TTLL11: variants seen among roughly 807,000 people sequenced by gnomAD.
TTLL11 encodes tubulin polyglutamylase TTLL11.
Under a neutral mutation model 51.7 loss-of-function variants are expected in TTLL11, and 42 were observed. That is an observed-to-expected ratio of 0.81 (90% confidence interval 0.64 to 1.05). The LOEUF (loss-of-function observed/expected upper bound fraction) is 1.05, where lower values mean the gene tolerates loss of function less well. Ranked by LOEUF, TTLL11 falls within the 50% of genes least tolerant of loss-of-function variation. The pLI is 0.00. For missense variants in TTLL11, 799 were observed against 940.4 expected, an observed-to-expected ratio of 0.85 and a Z score of 1.97; for synonymous variants, 381 against 383.5, an observed-to-expected ratio of 0.99 and a Z score of 0.08.
intron 6 of TTLL11, among the ~76,000 whole-genome samples, chr9:121,901,402 C>T (rs573657387): frequency 1.2e-4 from 19 of 152,034 alleles, no homozygotes; most frequent in African/African-American, 4.1e-4. Flanking sequence ...TCTTAGTGTT[C>T]CAGGCTTAAA....
chr9:121,989,741 G>A lies in TTLL11; in HGVS notation c.723C>T (p.Ser241=), dbSNP rs770027194. 1 of 1,607,864 alleles carries A rather than the reference G, an allele frequency of 6.2e-7. No individual in the cohort carries two copies. The highest frequency in any genetic ancestry group is 8.5e-7 in the Non-Finnish European group (1 of 1,175,518). ...QVQMVKDDDP[S]WKPTFIVKPD... The stretch of plus-strand genomic sequence containing the variant: ...GTTTCACGATAAAAGTGGGCTTCCA[G>A]GAGGGGTCATCGTCTTTCACCATTT... Residue 241 remains serine, a synonymous_variant, in exon 4 of 9, where the codon TCC becomes TCT. Transcript: ENST00000321582. The surrounding 1 kb of genome is among the most constrained non-coding windows in gnomAD (Gnocchi z 4.2).
chr9:121,826,183 C>CATATATATATAT (rs1564259884), intron 8 of TTLL11, among the ~76,000 whole-genome samples: 1 of 3,944 alleles, frequency 2.5e-4, no homozygotes, highest in Non-Finnish European at 4.9e-4. Context: ...TAACCAGTAA[C>CATATATATATAT]CTATATATAT....
chr9:121,880,695 T>C (rs1838752227), intron 6 of TTLL11, among the ~76,000 whole-genome samples: 1 of 152,224 alleles, frequency 6.6e-6, no homozygotes, highest in African/African-American at 2.4e-5. Flanking sequence ...TTTATGACTA[T>C]ACCTACAGCC....
At chr9:122,061,721 TCTGCCTC>T (rs1845438293) in intron 1 of TTLL11, among the ~76,000 whole-genome samples, 1 of 152,168 alleles carries the variant, frequency 6.6e-6, no homozygotes, top group Non-Finnish European at 1.5e-5. Context: ...CACTGCAACC[TCTGCCTC>T]CTGGGTTAAA....
chr9:121,983,754 T>C (rs952802539), intron 4 of TTLL11, among the ~76,000 whole-genome samples: 3 of 152,130 alleles, frequency 2.0e-5, no homozygotes, highest in Admixed American at 6.5e-5. Flanking sequence ...TCTCATAGCA[T>C]TTCTTTCTTA....
rs1564260464 is a variant in TTLL11 at position 121,826,519 on chromosome 9, A to ATGTGTGTGTGTG, written c.1841-3641_1841-3640insCACACACACACA. On this transcript the variant is annotated intron_variant, in intron 8 of 8. Transcript: ENST00000321582. ...TGTGTGTGTATATATATATATGTAT[A>ATGTGTGTGTGTG]TATATATATGTGTGTGTGTATATAT... 1.5e-4 allele frequency among the ~76,000 whole-genome samples: 6 copies of ATGTGTGTGTGTG among 39,850 alleles called. 1 individual carries two copies. The highest frequency in any genetic ancestry group is 3.2e-4 in the Non-Finnish European group (6 of 18,742). The allele number at this position is 39,850 out of a possible 152,430, so 26.1% of individuals were successfully genotyped here.
At chr9:122,074,737 C>CAAA (rs11427901) in intron 1 of TTLL11, among the ~76,000 whole-genome samples, 1 of 126,752 alleles carries the variant, frequency 7.9e-6, no homozygotes. Context: ...TTCGTCTCTA[C>CAAA]AAAAAAAAAA....
chr9:122,006,981 CAAA>C (rs71371911), intron 3 of TTLL11, among the ~76,000 whole-genome samples: 44 of 43,454 alleles, frequency 1.0e-3, no homozygotes, highest in African/African-American at 2.8e-3. Flanking sequence ...GATACTCTGT[CAAA>C]AAAAAAAAAA....
chr9:121,859,083 G>A (rs1304629444), intron 8 of TTLL11, among the ~76,000 whole-genome samples: 1 of 151,738 alleles, frequency 6.6e-6, no homozygotes, highest in East Asian at 2.0e-4. Context: ...GACTCATAAT[G>A]CCTACTGCAC....
chr9:122,051,993 T>G (rs1425432828), intron 1 of TTLL11, among the ~76,000 whole-genome samples: 1 of 152,046 alleles, frequency 6.6e-6, no homozygotes, highest in Non-Finnish European at 1.5e-5. Flanking sequence ...AAGAAAGGAC[T>G]AAGCAACTGC....
intron 6 of TTLL11, among the ~76,000 whole-genome samples, chr9:121,911,715 G>A (rs1294741664): frequency 1.3e-5 from 2 of 152,066 alleles, no homozygotes; most frequent in African/African-American, 4.8e-5. Context: ...GTGTTCTCAC[G>A]GGTGGGAGTT....
chr9:121,853,379 A>G lies in TTLL11; in HGVS notation c.1840+6958T>C, dbSNP rs1837721699. On this transcript the variant is annotated intron_variant, in intron 8 of 8. Coordinates refer to ENST00000321582, the MANE Select transcript of TTLL11 (RefSeq NM_001139442.2). The surrounding 1 kb of genome is among the most constrained non-coding windows in gnomAD (Gnocchi z 5.6). ...GGTGCTGCGGAGCAGGTGAGACGGT[A>G]CTGGGCCCAGCCTGAGCACTGGGGG... Among the ~76,000 whole-genome samples the G allele has an allele frequency of 6.8e-6, 1 of 146,068 alleles. No individual in the cohort carries two copies. The highest frequency in any genetic ancestry group is 1.5e-5 in the Non-Finnish European group (1 of 66,302).
chr9:122,003,007 A>G (rs965815594), intron 3 of TTLL11, among the ~76,000 whole-genome samples: 3 of 151,206 alleles, frequency 2.0e-5, no homozygotes, highest in African/African-American at 7.3e-5. Flanking sequence ...CCCACCGGAC[A>G]TTGGAAAGTC....
At chr9:121,973,905 C>G in intron 6 of TTLL11, 104 bp downstream of exon 6, 1 of 665,786 alleles carries the variant, frequency 1.5e-6, no homozygotes, top group Non-Finnish European at 2.5e-6. Context: ...AGATGTAAAT[C>G]TCACTCACAA....
intron 8 of TTLL11, among the ~76,000 whole-genome samples, chr9:121,829,520 TAAG>T (rs1836929702): frequency 6.6e-6 from 1 of 151,512 alleles, no homozygotes; most frequent in Non-Finnish European, 1.5e-5. Context: ...ATTAGGGAGG[TAAG>T]GAGGAAAAAA....
rs757552624 is a variant in TTLL11, at chr9:121,931,584, T to TAAAAAA, written c.1481+42419_1481+42424dup. On this transcript the variant is annotated intron_variant, in intron 6 of 8. Transcript: ENST00000321582. ...ATGGTAAAACCCTGTTTCTACTATTTAAAAAAAAAAAAAAAAAAAAAGAAA... is the reference window on the plus strand; with the variant it reads ...ATGGTAAAACCCTGTTTCTACTATTTAAAAAAAAAAAAAAAAAAAAAAAAAAAGAAA... Among the ~76,000 whole-genome samples, 4 of 130,682 alleles carry TAAAAAA rather than the reference T, an allele frequency of 3.1e-5. No individual in the cohort carries two copies. The East Asian group carries it at 6.7e-4, about 22-fold the overall frequency. 85.7% of individuals were successfully genotyped at this position (130,682 alleles called of 152,430 possible). A position where few individuals can be genotyped will look rare whatever the true frequency, so the allele number is the denominator to read the frequency against.
intron 3 of TTLL11, among the ~76,000 whole-genome samples, chr9:121,994,238 A>C (rs1487850864): frequency 6.6e-6 from 1 of 152,170 alleles, no homozygotes. Flanking sequence ...GTGGGGGGTT[A>C]TGAAGGCAGG....
intron 1 of TTLL11, among the ~76,000 whole-genome samples, chr9:122,088,613 T>A (rs575446717): frequency 6.6e-6 from 1 of 152,150 alleles, no homozygotes; most frequent in Admixed American, 6.5e-5. Flanking sequence ...CAATTGTATA[T>A]ATGTAGAGCA....
At chr9:121,907,807 A>C (rs756917999) in intron 6 of TTLL11, among the ~76,000 whole-genome samples, 1 of 152,208 alleles carries the variant, frequency 6.6e-6, no homozygotes, top group Non-Finnish European at 1.5e-5. Context: ...TATCCAACCA[A>C]GTGGATATTT....
Sources: gnomAD v4.1 joint callset for allele counts (sites outside exome capture counted in the v4.1 genomes callset) on GRCh38, gnomAD v4.1.1 for gene constraint, Gnocchi (gnomAD v3.1) non-coding constraint, MANE v1.5 for transcripts, NCBI Gene and HGNC (gene_info 2026-07-23, HGNC 2026-07-21) for gene names.